OXSR1: variants seen among roughly 807,000 people sequenced by gnomAD.
The protein encoded by OXSR1 is serine/threonine-protein kinase OSR1.
In OXSR1, 24 loss-of-function variants were observed where a neutral mutation model predicts 79.8. That is an observed-to-expected ratio of 0.30 (90% CI 0.22 to 0.42). The LOEUF (loss-of-function observed/expected upper bound fraction) is 0.42, where lower values mean the gene tolerates loss of function less well. Ranked by LOEUF, OXSR1 falls within the 10% of genes least tolerant of loss-of-function variation. The pLI is 1.00. For synonymous variants in OXSR1, 226 were observed against 209.2 expected (o/e 1.08, Z -0.69); for missense variants, 430 against 618.4 (o/e 0.70, Z 3.23).
At position 38,253,508 on chromosome 3, in the gene OXSR1, C is replaced by G. The variant is rs1011626361; in HGVS notation, c.*617C>G. 5.2e-5 allele frequency: 8 copies of G among 152,816 alleles called. No individual in the cohort carries two copies. The highest frequency in any genetic ancestry group is 1.9e-4 in the African/African-American group (8 of 41,444). The allele number at this position is 152,816 out of a possible 1,614,324, so 9.5% of individuals were successfully genotyped here. A position where few individuals can be genotyped will look rare whatever the true frequency, so the allele number is the denominator to read the frequency against. On this transcript the variant is annotated 3_prime_UTR_variant, in exon 18 of 18. Coordinates refer to ENST00000311806, the MANE Select transcript of OXSR1 (RefSeq NM_005109.3). The stretch of plus-strand genomic sequence containing the variant: ...TGAAGCTGCTCTCAGGCACCCCCTT[C>G]TTCATTGCTCTCTCCAGAAAGGGTT...
At chr3:38,199,839 C>CA (rs1702131250) in intron 4 of OXSR1, among the ~76,000 whole-genome samples, 1 of 152,144 alleles carries the variant, frequency 6.6e-6, no homozygotes, top group African/African-American at 2.4e-5. Flanking sequence ...ACTCAGGACT[C>CA]ACGGGTCTGT....
intron 3 of OXSR1, among the ~76,000 whole-genome samples, chr3:38,192,172 T>C (rs751323144): frequency 6.6e-6 from 1 of 152,188 alleles, no homozygotes; most frequent in Non-Finnish European, 1.5e-5. Flanking sequence ...TTTCCATCAG[T>C]TATACTCTAT....
chr3:38,183,004 G>T lies in OXSR1; in HGVS notation c.72G>T (p.Gly24=), dbSNP rs1454437389. ...ACTCTTTTATGTATTTGTTTTTAGG[G>T]AGTGGAGCAACTGCTGTAGTCCAAG... ...RDDYELQEVI[G]SGATAVVQAA... is the part of the protein sequence containing the mutation. Residue 24 remains glycine, a splice_region_variant and synonymous_variant, in exon 2 of 18, where the codon GGG becomes GGT. Transcript: ENST00000311806. The T allele has an allele frequency of 4.4e-6, 7 of 1,578,954 alleles. No homozygotes were observed. Among genetic ancestry groups the T allele is most frequent in the African/African-American group, 1.4e-5 (1 of 73,848 alleles).
intron 10 of OXSR1, 182 bp from the exon 11 acceptor site, chr3:38,236,657 A>G (rs1025095399): frequency 2.3e-6 from 1 of 441,316 alleles, no homozygotes; most frequent in African/African-American, 2.0e-5. Context: ...AAAGACAGGT[A>G]GTAGAGATTG....
chr3:38,166,008 T>TG, intron 1 of OXSR1, 62 bp downstream of exon 1: 1 of 1,475,918 alleles, frequency 6.8e-7, no homozygotes, highest in Non-Finnish European at 9.4e-7. Flanking sequence ...CACGGGAACG[T>TG]GGGGAGCCGC....
chr3:38,241,803 GT>G (rs895117312), intron 11 of OXSR1, among the ~76,000 whole-genome samples: 20 of 131,824 alleles, frequency 1.5e-4, no homozygotes, highest in African/African-American at 1.4e-4. Context: ...AAAGTTGTTT[GT>G]TTTTTTTTTT....
intron 1 of OXSR1, among the ~76,000 whole-genome samples, chr3:38,177,781 T>C (rs1183797515): frequency 6.6e-6 from 1 of 152,000 alleles, no homozygotes; most frequent in African/African-American, 2.4e-5. Context: ...AGAGACGGGG[T>C]CTTGCCATGT....
At chr3:38,201,103 G>A (rs772034773) in intron 4 of OXSR1, among the ~76,000 whole-genome samples, 3 of 151,984 alleles carry the variant, frequency 2.0e-5, no homozygotes, top group Non-Finnish European at 4.4e-5. Context: ...ATGGGGTCGT[G>A]CTGTGTCGCC....
intron 1 of OXSR1, among the ~76,000 whole-genome samples, chr3:38,179,404 C>T (rs1007933971): frequency 1.3e-5 from 2 of 152,086 alleles, no homozygotes; most frequent in East Asian, 1.9e-4. Flanking sequence ...TGGACTCAAG[C>T]AGTCCTCCCG....
chr3:38,190,584 G>GT (rs1372978489), intron 2 of OXSR1, 147 bp from the exon 3 acceptor site: 1 of 593,478 alleles, frequency 1.7e-6, no homozygotes, highest in Non-Finnish European at 3.0e-6. Context: ...GGTTTTATTG[G>GT]TTTAACCCTT....
chr3:38,223,269 ACGTCAC>A lies in OXSR1; in HGVS notation c.601-541_601-536del, dbSNP rs1430259275. ...TCCCGAGCAGCTGGACTGTAGGCAT[ACGTCAC>A]CACTCCTAGCTAATTAAAACAATTT... On this transcript the variant is annotated intron_variant, in intron 6 of 17. Coordinates refer to ENST00000311806, the MANE Select transcript of OXSR1 (RefSeq NM_005109.3). Among the ~76,000 whole-genome samples the A allele has an allele frequency of 6.6e-5, 10 of 152,102 alleles. No individual in the cohort carries two copies. In the East Asian group the frequency reaches 1.9e-3, roughly 30 times the overall value.
At chr3:38,181,213 T>G (rs1488737735) in intron 1 of OXSR1, among the ~76,000 whole-genome samples, 1 of 152,066 alleles carries the variant, frequency 6.6e-6, no homozygotes, top group African/African-American at 2.4e-5. Context: ...TCTTCTGTCA[T>G]TTCCACTCTG....
At chr3:38,192,487 A>G (rs1243183409) in intron 3 of OXSR1, among the ~76,000 whole-genome samples, 2 of 152,324 alleles carry the variant, frequency 1.3e-5, no homozygotes, top group East Asian at 1.9e-4. Context: ...ATAATTTGAC[A>G]TCAATACAAG....
rs996761212 is a variant in OXSR1, at chr3:38,173,320, C to T, written c.70+7374C>T. ...AGGGTATTGCAAGTAAATAATTTAA[C>T]CTGATGCATAGTAATCAGTTAATAA... is the stretch of plus-strand genomic sequence containing the variant. On this transcript the variant is annotated intron_variant, in intron 1 of 17. Coordinates refer to ENST00000311806, the MANE Select transcript of OXSR1 (RefSeq NM_005109.3). Among the ~76,000 whole-genome samples, 6 of 151,908 alleles carry T rather than the reference C, an allele frequency of 3.9e-5. No individual in the cohort carries two copies. In the East Asian group the frequency reaches 1.2e-3, roughly 29 times the overall value.
rs1373190488 is a variant in OXSR1, at chr3:38,198,722, G to C, written c.293G>C (p.Gly98Ala). 6.2e-7 allele frequency: 1 copy of C among 1,609,108 alleles called. No homozygotes were observed. Among genetic ancestry groups the C allele is most frequent in the East Asian group, 2.2e-5 (1 of 44,770 alleles). ...AGAAAATTATGTCTTCTGTTTTCAGGTTCTGTTCTGGATATTATTAAGCAC... is the reference window on the plus strand; with the variant it reads ...AGAAAATTATGTCTTCTGTTTTCAGCTTCTGTTCTGGATATTATTAAGCAC... Reference protein sequence around the residue: ...LWLVMKLLSGGSVLDIIKHIV... With the variant: ...LWLVMKLLSGASVLDIIKHIV... The change falls in exon 4 of 18, where the codon GGT (glycine) becomes GCT (alanine). Residue 98 changes from glycine to alanine, a missense_variant and splice_region_variant. By Grantham distance (60) the Gly-to-Ala change is moderately conservative. This residue lies in a region of OXSR1 where 145 missense variants were observed against 228.3 expected (regional missense o/e 0.64). Coordinates refer to ENST00000311806, the MANE Select transcript of OXSR1 (RefSeq NM_005109.3).
chr3:38,174,747 G>GGATT, intron 1 of OXSR1, among the ~76,000 whole-genome samples: 1 of 152,264 alleles, frequency 6.6e-6, no homozygotes, highest in South Asian at 2.1e-4. Flanking sequence ...ATTTGCTGTT[G>GGATT]GATTAGATGT....
chr3:38,228,868 T>G (rs557269583), intron 8 of OXSR1, among the ~76,000 whole-genome samples: 55 of 152,204 alleles, frequency 3.6e-4, no homozygotes, highest in African/African-American at 1.3e-3. Flanking sequence ...CATGGTGCCC[T>G]CTGGTCATTG....
At chr3:38,174,180 A>C (rs1276432721) in intron 1 of OXSR1, among the ~76,000 whole-genome samples, 2 of 152,178 alleles carry the variant, frequency 1.3e-5, no homozygotes, top group African/African-American at 4.8e-5. Flanking sequence ...CTTGGTCCTG[A>C]TTGTCAGGTT....
chr3:38,239,647 C>T (rs1277664823), intron 11 of OXSR1, among the ~76,000 whole-genome samples: 3 of 152,188 alleles, frequency 2.0e-5, no homozygotes, highest in Non-Finnish European at 4.4e-5. Context: ...CCCCCCTATT[C>T]TCAGGCATTT....
Sources: gnomAD v4.1 joint callset for allele counts (sites outside exome capture counted in the v4.1 genomes callset) on GRCh38, gnomAD v4.1.1 for gene constraint, gnomAD v4.1.1 regional missense constraint, MANE v1.5 for transcripts, NCBI Gene and HGNC (gene_info 2026-07-23, HGNC 2026-07-21) for gene names.